ARFIP1: variants seen among roughly 807,000 people sequenced by gnomAD.
The protein encoded by ARFIP1 is ARF interacting protein 1.
A neutral mutation model predicts 42.5 loss-of-function variants in ARFIP1; 24 were observed. That is an observed-to-expected ratio of 0.57 (90% CI 0.41 to 0.80). ARFIP1 has a LOEUF of 0.80. Among genes scored for constraint, ARFIP1 ranks in the 30% least tolerant of loss-of-function variants. The pLI is 0.00. For synonymous variants in ARFIP1, 141 were observed against 153.7 expected, an observed-to-expected ratio of 0.92 and a Z score of 0.61; for missense variants, 354 against 434.0, an observed-to-expected ratio of 0.82 and a Z score of 1.64.
chr4:152,815,668 T>C (rs975764376), intron 1 of ARFIP1, among the ~76,000 whole-genome samples: 5 of 152,168 alleles, frequency 3.3e-5, no homozygotes, highest in Non-Finnish European at 7.4e-5. Context: ...CATTTTTCCT[T>C]ATCTCACATC....
chr4:152,883,442 A>G (rs957156755), intron 7 of ARFIP1: 8 of 152,210 alleles, frequency 5.3e-5, no homozygotes, highest in African/African-American at 7.2e-5. Context: ...TTTTGCCTCC[A>G]TGATTTTTGT....
intron 1 of ARFIP1, among the ~76,000 whole-genome samples, chr4:152,815,301 A>G (rs535450980): frequency 4.6e-5 from 7 of 152,298 alleles, no homozygotes; most frequent in Non-Finnish European, 5.9e-5. Flanking sequence ...TAGTTGCAAC[A>G]GAGACCTTAT....
At chr4:152,891,881 T>C (rs28406254) in intron 8 of ARFIP1, among the ~76,000 whole-genome samples, 1,756 of 152,074 alleles carry the variant, frequency 0.012, 33 homozygotes, top group African/African-American at 0.041. Context: ...TTAATTTTTT[T>C]TTTTTCTAGT....
At chr4:152,843,029 CT>C (rs977150090) in intron 2 of ARFIP1, among the ~76,000 whole-genome samples, 2 of 151,958 alleles carry the variant, frequency 1.3e-5, no homozygotes, top group African/African-American at 4.8e-5. Context: ...TTCCTGGTTC[CT>C]TCTCATTTGG....
At chr4:152,875,627 C>T (rs1051683030) in intron 5 of ARFIP1, among the ~76,000 whole-genome samples, 3 of 152,002 alleles carry the variant, frequency 2.0e-5, no homozygotes, top group African/African-American at 7.2e-5. Flanking sequence ...GTGCTACCTT[C>T]TCTATCCCTT....
chr4:152,804,251 A>G (rs1266146973), intron 1 of ARFIP1, among the ~76,000 whole-genome samples: 1 of 106,378 alleles, frequency 9.4e-6, no homozygotes, highest in Non-Finnish European at 1.7e-5. Flanking sequence ...AATATATAAT[A>G]TAACATGTAT....
intron 2 of ARFIP1, among the ~76,000 whole-genome samples, chr4:152,837,419 C>A (rs970070114): frequency 6.6e-6 from 1 of 152,128 alleles, no homozygotes; most frequent in South Asian, 2.1e-4. Context: ...TCCTGTTCAC[C>A]GCATCCACAC....
chr4:152,860,694 C>CA (rs1733819511), intron 2 of ARFIP1, among the ~76,000 whole-genome samples: 1 of 152,206 alleles, frequency 6.6e-6, no homozygotes, highest in Non-Finnish European at 1.5e-5. Context: ...TTCCCAGACA[C>CA]AATCCCCTCC....
chr4:152,789,037 G>GT (rs1456653888), intron 1 of ARFIP1, among the ~76,000 whole-genome samples: 1 of 142,484 alleles, frequency 7.0e-6, no homozygotes, highest in East Asian at 2.1e-4. Context: ...GAAGATCACA[G>GT]AAGTAAAGTG....
chr4:152,817,745 C>T (rs762425376), intron 1 of ARFIP1, among the ~76,000 whole-genome samples: 1 of 152,118 alleles, frequency 6.6e-6, no homozygotes, highest in Non-Finnish European at 1.5e-5. Context: ...ACTTGTATAA[C>T]TCAACAACAA....
intron 8 of ARFIP1, among the ~76,000 whole-genome samples, chr4:152,898,224 C>T (rs1737521690): frequency 6.6e-6 from 1 of 151,900 alleles, no homozygotes; most frequent in African/African-American, 2.4e-5. Context: ...CCTTGTGATC[C>T]ACCCGCCTCG....
intron 1 of ARFIP1, among the ~76,000 whole-genome samples, chr4:152,809,382 T>C (rs1184622795): frequency 6.6e-6 from 1 of 152,196 alleles, no homozygotes; most frequent in Non-Finnish European, 1.5e-5. Flanking sequence ...GAAATTGATA[T>C]ATACATACAA....
intron 1 of ARFIP1, among the ~76,000 whole-genome samples, chr4:152,824,494 C>G (rs1262285201): frequency 6.6e-6 from 1 of 151,974 alleles, no homozygotes; most frequent in Non-Finnish European, 1.5e-5. Context: ...ATTCAGCATC[C>G]CTTTATGATA....
In ARFIP1 at chr4:152,910,347, T is replaced by A; in HGVS notation, c.*128T>A. 8.9e-7 allele frequency: 1 copy of A among 1,123,396 alleles called. No individual in the cohort carries two copies. Among genetic ancestry groups the A allele is most frequent in the Non-Finnish European group, 1.2e-6 (1 of 813,960 alleles). The allele number at this position is 1,123,396 out of a possible 1,614,324, so 69.6% of individuals were successfully genotyped here. ...ATAGTGATTCTTGCACAAACAGCTT[T>A]AATTTTTCCCTTTTTCATACTTTAA... On this transcript the variant is annotated 3_prime_UTR_variant, in exon 9 of 9. Transcript: ENST00000353617.
chr4:152,883,475 C>T (rs1225818211), intron 7 of ARFIP1, among the ~76,000 whole-genome samples: 2 of 152,042 alleles, frequency 1.3e-5, no homozygotes, highest in Non-Finnish European at 2.9e-5. Context: ...CAGTCATCTT[C>T]CATTTATCCA....
At chr4:152,822,318 AAG>A (rs747820955) in intron 1 of ARFIP1, among the ~76,000 whole-genome samples, 3,030 of 145,594 alleles carry the variant, frequency 0.021, 48 homozygotes, top group South Asian at 0.088. Flanking sequence ...AAAAAAAAAA[AAG>A]ACAAGGTCAT....
intron 1 of ARFIP1, among the ~76,000 whole-genome samples, chr4:152,813,142 T>G (rs901319802): frequency 1.3e-5 from 2 of 152,190 alleles, no homozygotes; most frequent in African/African-American, 4.8e-5. Flanking sequence ...AATAATACAG[T>G]GTAACAGTTA....
At chr4:152,825,868 A>G (rs901030687) in intron 1 of ARFIP1, among the ~76,000 whole-genome samples, 1 of 152,234 alleles carries the variant, frequency 6.6e-6, no homozygotes, top group African/African-American at 2.4e-5. Flanking sequence ...GACATTTCTC[A>G]AAAGAAATAC....
chr4:152,868,062 A>G (rs1734554859), intron 3 of ARFIP1, among the ~76,000 whole-genome samples: 2 of 152,242 alleles, frequency 1.3e-5, no homozygotes, highest in Admixed American at 1.3e-4. Context: ...TGACTAAATG[A>G]TAAATTATGA....
Sources: allele counts gnomAD v4.1 joint callset (sites outside exome capture counted in the v4.1 genomes callset), GRCh38; gene constraint gnomAD v4.1.1; transcripts MANE v1.5; gene names NCBI Gene and HGNC (gene_info 2026-07-23, HGNC 2026-07-21).